The following SEC14L1 variants were observed in gnomAD, a reference collection of about 807,000 sequenced individuals.
The protein encoded by SEC14L1 is SEC14 like lipid binding 1.
In SEC14L1, 48 loss-of-function variants were observed where a neutral mutation model predicts 85.3. That is an observed-to-expected ratio of 0.56 (90% CI 0.45 to 0.72). The LOEUF (loss-of-function observed/expected upper bound fraction) is 0.72, where lower values mean the gene tolerates loss of function less well. Among genes scored for constraint, SEC14L1 ranks in the 30% least tolerant of loss-of-function variants. The pLI is 0.00. For missense variants in SEC14L1, 682 were observed against 921.4 expected (o/e 0.74, Z 3.36); for synonymous variants, 391 against 355.5 (o/e 1.10, Z -1.12).
intron 7 of SEC14L1, 37 bp downstream of exon 7, chr17:77,194,948 T>C: frequency 6.6e-7 from 1 of 1,521,732 alleles, no homozygotes. Context: ...AGAGCAAGGC[T>C]AGGGAAGTCG....
At chr17:77,116,990 T>C (rs936552008) in intron 3 of SEC14L1, among the ~76,000 whole-genome samples, 3 of 152,204 alleles carry the variant, frequency 2.0e-5, no homozygotes, top group Non-Finnish European at 4.4e-5. Flanking sequence ...TAATTGGCTG[T>C]CTCTGGTGTT....
intron 9 of SEC14L1, among the ~76,000 whole-genome samples, chr17:77,201,302 A>G (rs1373120085): frequency 6.6e-6 from 1 of 152,204 alleles, no homozygotes; most frequent in Non-Finnish European, 1.5e-5. Flanking sequence ...ATGGAATTGG[A>G]AACGTCGGCG....
chr17:77,193,904 C>G (rs1234811467), intron 6 of SEC14L1, among the ~76,000 whole-genome samples: 1 of 152,154 alleles, frequency 6.6e-6, no homozygotes, highest in African/African-American at 2.4e-5. Flanking sequence ...GGCTGCCCCC[C>G]TTGGATTGTC....
chr17:77,101,251 C>T lies in SEC14L1; in HGVS notation c.-136+7904C>T, dbSNP rs566960472. On this transcript the variant is annotated intron_variant, in intron 3 of 19. Transcript: ENST00000392476. ...CCAGGCTGGAGTGCAATGGCACAAT[C>T]TCGGCTCACTGCAACCCCAGTCTCC... Among the ~76,000 whole-genome samples, 5 of 152,116 alleles carry T rather than the reference C, an allele frequency of 3.3e-5. No individual in the cohort carries two copies. The South Asian group carries it at 6.2e-4, about 19-fold the overall frequency.
chr17:77,185,488 G>A (rs752692325), intron 3 of SEC14L1: 1 of 557,464 alleles, frequency 1.8e-6, no homozygotes, highest in Non-Finnish European at 2.3e-6. Flanking sequence ...CTGCGTGGGT[G>A]ACACCTTATG....
chr17:77,131,877 A>G (rs1018080242), intron 3 of SEC14L1, among the ~76,000 whole-genome samples: 23 of 152,246 alleles, frequency 1.5e-4, no homozygotes, highest in African/African-American at 5.1e-4. Flanking sequence ...TCTTAGGTAG[A>G]TAAACCAACT....
intron 2 of SEC14L1, among the ~76,000 whole-genome samples, chr17:77,092,758 G>A (rs1971547045): frequency 2.0e-5 from 3 of 152,006 alleles, no homozygotes; most frequent in African/African-American, 7.2e-5. Context: ...AGACCAGCCT[G>A]ACCAACATGG....
chr17:77,164,555 G>A (rs541930986), intron 3 of SEC14L1, among the ~76,000 whole-genome samples: 2 of 152,226 alleles, frequency 1.3e-5, no homozygotes, highest in Admixed American at 6.5e-5. Context: ...TGTCCAGCTG[G>A]GATTCAAATC....
intron 9 of SEC14L1, among the ~76,000 whole-genome samples, chr17:77,202,843 C>T (rs1976226449): frequency 1.3e-5 from 2 of 151,156 alleles, no homozygotes; most frequent in African/African-American, 2.4e-5. Flanking sequence ...TTGCTTGAAC[C>T]TGCAGGCAGA....
intron 3 of SEC14L1, among the ~76,000 whole-genome samples, chr17:77,151,431 A>G (rs925553525): frequency 2.6e-5 from 4 of 152,160 alleles, no homozygotes; most frequent in Non-Finnish European, 4.4e-5. Flanking sequence ...GTTCCGTCTC[A>G]GCATTATGCA....
chr17:77,196,152 C>T (rs1430100503), intron 7 of SEC14L1, 50 bp from the exon 8 acceptor site: 8 of 1,433,736 alleles, frequency 5.6e-6, no homozygotes, highest in Non-Finnish European at 4.9e-6. Flanking sequence ...ACTTTGGGAG[C>T]CTAAAGCTCC....
At chr17:77,144,799 A>T (rs911901188) in intron 3 of SEC14L1, 1 of 152,022 alleles carries the variant, frequency 6.6e-6, no homozygotes, top group South Asian at 2.1e-4. Context: ...TTTAGTAGAG[A>T]TGGGGTTTCT....
intron 3 of SEC14L1, among the ~76,000 whole-genome samples, chr17:77,173,706 A>G (rs918754927): frequency 2.6e-5 from 4 of 152,212 alleles, no homozygotes; most frequent in Admixed American, 1.3e-4. Flanking sequence ...ATAAAACAAC[A>G]GTATTTTATC....
chr17:77,141,681 C>T (rs1973053955), intron 1 of SEC14L1: 1 of 152,222 alleles, frequency 6.6e-6, no homozygotes, highest in South Asian at 2.1e-4. Context: ...CAGCTGAGAC[C>T]TGGCTGTGGT....
upstream of SEC14L1, among the ~76,000 whole-genome samples, chr17:77,136,592 TG>T (rs1173912661): frequency 6.6e-6 from 1 of 152,202 alleles, no homozygotes; most frequent in Non-Finnish European, 1.5e-5. Context: ...GGTGTGCCCA[TG>T]TGATTAAGTT....
At chr17:77,103,820 G>A (rs1233459568) in intron 3 of SEC14L1, among the ~76,000 whole-genome samples, 1 of 148,238 alleles carries the variant, frequency 6.7e-6, no homozygotes, top group African/African-American at 2.5e-5. Context: ...CAGAAGGCCC[G>A]GCTCCATGGG....
At chr17:77,134,299 T>C (rs1972716722) in intron 3 of SEC14L1, among the ~76,000 whole-genome samples, 1 of 151,582 alleles carries the variant, frequency 6.6e-6, no homozygotes, top group South Asian at 2.1e-4. Flanking sequence ...ACCGAGGCTG[T>C]AGTGCAGTGC....
At chr17:77,182,323 G>A (rs1027617256) in intron 3 of SEC14L1, among the ~76,000 whole-genome samples, 10 of 152,148 alleles carry the variant, frequency 6.6e-5, no homozygotes, top group Admixed American at 5.9e-4. Flanking sequence ...TGCATTCAAA[G>A]GTTGGTTAAA....
intron 4 of SEC14L1, 70 bp from the exon 5 acceptor site, chr17:77,191,111 A>G (rs1975511676): frequency 2.6e-6 from 4 of 1,555,140 alleles, no homozygotes; most frequent in Non-Finnish European, 3.5e-6. Flanking sequence ...GACAACATGA[A>G]CTTATACTAT....
Sources: gnomAD v4.1 joint callset for allele counts (sites outside exome capture counted in the v4.1 genomes callset) on GRCh38, gnomAD v4.1.1 for gene constraint, MANE v1.5 for transcripts, NCBI Gene and HGNC (gene_info 2026-07-23, HGNC 2026-07-21) for gene names.